The following AGAP1 variants were observed in gnomAD, a reference collection of about 807,000 sequenced individuals.
AGAP1 encodes the protein ArfGAP with GTPase domain, ankyrin repeat and PH domain 1, also known as arf-GAP with GTPase, ANK repeat and PH domain-containing protein 1.
In AGAP1, 29 loss-of-function variants were observed where a neutral mutation model predicts 105.3. That is an observed-to-expected ratio of 0.28 (90% CI 0.21 to 0.38). The LOEUF (loss-of-function observed/expected upper bound fraction) is 0.38. Among genes scored for constraint, AGAP1 ranks in the 10% least tolerant of loss-of-function variants. AGAP1 has a pLI of 1.00. For missense variants in AGAP1, 998 were observed against 1,165.1 expected (o/e 0.86, Z 2.09); for synonymous variants, 509 against 485.9 (o/e 1.05, Z -0.63).
rs1187775122 is a variant in AGAP1 at position 235,959,094 on chromosome 2, A to G, written c.1484-9368A>G. 6.6e-6 allele frequency among the ~76,000 whole-genome samples: 1 copy of G among 152,104 alleles called. No homozygotes were observed. The highest frequency in any genetic ancestry group is 2.4e-5 in the African/African-American group (1 of 41,434). The stretch of plus-strand genomic sequence containing the variant: ...TCAGAGCCGGTTTAGATGTGGAGTA[A>G]TGAGGCGCTCGCTTTTTTAATTTGG... On this transcript the variant is annotated intron_variant, in intron 12 of 17. Coordinates refer to ENST00000304032, the MANE Select transcript of AGAP1 (RefSeq NM_001037131.3). This position sits in a 1 kb window ranked among gnomAD's most constrained non-coding sequence, Gnocchi z 7.3.
chr2:235,798,478 T>G (rs1957343629), intron 7 of AGAP1, among the ~76,000 whole-genome samples: 1 of 152,144 alleles, frequency 6.6e-6, no homozygotes, highest in African/African-American at 2.4e-5. Context: ...ATTGGCACTG[T>G]TTTTTTAAGG....
intron 9 of AGAP1, among the ~76,000 whole-genome samples, chr2:235,821,353 A>C (rs1958775130): frequency 6.6e-6 from 1 of 151,906 alleles, no homozygotes; most frequent in Admixed American, 6.6e-5. Flanking sequence ...GTAACAAGTG[A>C]ACTGGGGTAG....
intron 1 of AGAP1, chr2:235,669,513 GC>G: frequency 6.7e-6 from 1 of 150,336 alleles, no homozygotes; most frequent in Non-Finnish European, 1.5e-5. Context: ...CGCCGCCGCC[GC>G]CGCCGCGCTC....
intron 1 of AGAP1, among the ~76,000 whole-genome samples, chr2:235,579,599 C>A (rs1409701368): frequency 4.6e-5 from 7 of 152,042 alleles, no homozygotes; most frequent in Non-Finnish European, 4.4e-5. Context: ...CACAGTGAAA[C>A]CCCGTCTCTA....
chr2:235,531,150 C>G (rs1463365271), intron 1 of AGAP1, among the ~76,000 whole-genome samples: 1 of 152,224 alleles, frequency 6.6e-6, no homozygotes, highest in Non-Finnish European at 1.5e-5. Context: ...AGTTTGGGAT[C>G]ACAACTGATT....
At chr2:235,668,908 G>A (rs1450765685) in intron 1 of AGAP1, among the ~76,000 whole-genome samples, 2 of 152,116 alleles carry the variant, frequency 1.3e-5, no homozygotes, top group African/African-American at 4.8e-5. Flanking sequence ...AGCCTGGCTT[G>A]CGGGCAGGCA....
At chr2:235,986,843 G>A (rs1373209141) in intron 13 of AGAP1, among the ~76,000 whole-genome samples, 1 of 152,270 alleles carries the variant, frequency 6.6e-6, no homozygotes, top group East Asian at 1.9e-4. Flanking sequence ...TGGTGGATAA[G>A]TGTTTTGATG....
intron 8 of AGAP1, among the ~76,000 whole-genome samples, chr2:235,806,738 C>T (rs183364429): frequency 2.7e-4 from 41 of 152,238 alleles, no homozygotes; most frequent in Admixed American, 1.8e-3. Flanking sequence ...GAAGCAAAAA[C>T]GGAAAATGTT....
chr2:236,118,581 G>T (rs1344925140), intron 16 of AGAP1, among the ~76,000 whole-genome samples: 1 of 151,686 alleles, frequency 6.6e-6, no homozygotes, highest in Non-Finnish European at 1.5e-5. Flanking sequence ...TAGAGACAGG[G>T]TTTCACCATG....
chr2:235,630,020 A>T (rs1946776101), intron 1 of AGAP1, among the ~76,000 whole-genome samples: 1 of 152,192 alleles, frequency 6.6e-6, no homozygotes, highest in Admixed American at 6.5e-5. Context: ...CACTGTATAC[A>T]AAATGTCTGA....
intron 12 of AGAP1, among the ~76,000 whole-genome samples, chr2:235,946,311 A>G (rs1454640456): frequency 1.6e-5 from 2 of 125,716 alleles, no homozygotes; most frequent in African/African-American, 3.2e-5. Context: ...TTTGAGACAG[A>G]GTCTTGTTCT....
chr2:235,786,723 G>A lies in AGAP1; in HGVS notation c.674-11036G>A, dbSNP rs148738510. Among the ~76,000 whole-genome samples, 26 of 152,314 alleles carry A rather than the reference G, an allele frequency of 1.7e-4. 1 individual carries two copies. The East Asian group carries it at 4.6e-3, about 27-fold the overall frequency. On this transcript the variant is annotated intron_variant, in intron 6 of 17. Coordinates refer to ENST00000304032, the MANE Select transcript of AGAP1 (RefSeq NM_001037131.3). ...GAGAATGTGCCTGTGACAAGATCTCGTCTAGTTTCTTGTGCCCTGTGACGA... is the reference window on the plus strand; with the variant it reads ...GAGAATGTGCCTGTGACAAGATCTCATCTAGTTTCTTGTGCCCTGTGACGA...
chr2:235,975,839 G>A (rs887783960), intron 13 of AGAP1, among the ~76,000 whole-genome samples: 9 of 152,156 alleles, frequency 5.9e-5, no homozygotes, highest in East Asian at 1.9e-4. Flanking sequence ...GAAAGGGAAC[G>A]AGAAGTCTCC....
Position 235,960,323 on chromosome 2 carries a change from T to G in AGAP1, c.1484-8139T>G. 6.6e-6 allele frequency among the ~76,000 whole-genome samples: 1 copy of G among 152,164 alleles called. No individual in the cohort carries two copies. The highest frequency in any genetic ancestry group is 1.5e-5 in the Non-Finnish European group (1 of 68,018). On this transcript the variant is annotated intron_variant, in intron 12 of 17. Coordinates refer to ENST00000304032, the MANE Select transcript of AGAP1 (RefSeq NM_001037131.3). This position sits in a 1 kb window ranked among gnomAD's most constrained non-coding sequence, Gnocchi z 4.9. ...TGAGATTGCAGTTGTTTTTATCCCA[T>G]GACAACCCTGTGTCCTCTGAAAAGC...
chr2:235,670,385 C>T (rs1321211207), intron 1 of AGAP1: 5 of 556,374 alleles, frequency 9.0e-6, no homozygotes, highest in South Asian at 4.0e-5. Flanking sequence ...CCGCACCTTC[C>T]GCACCCGCAG....
At chr2:235,854,402 G>A (rs1046055955) in intron 9 of AGAP1, among the ~76,000 whole-genome samples, 1 of 152,210 alleles carries the variant, frequency 6.6e-6, no homozygotes, top group African/African-American at 2.4e-5. Context: ...GGACCTGTGA[G>A]GCCTGTCTCT....
intron 13 of AGAP1, among the ~76,000 whole-genome samples, chr2:236,007,815 G>C (rs1028279125): frequency 6.6e-6 from 1 of 152,198 alleles, no homozygotes; most frequent in Non-Finnish European, 1.5e-5. Context: ...CCAGCCCCCA[G>C]CCTGCTATCC....
intron 9 of AGAP1, among the ~76,000 whole-genome samples, chr2:235,822,944 G>A (rs1396843589): frequency 6.6e-6 from 1 of 152,186 alleles, no homozygotes; most frequent in African/African-American, 2.4e-5. Flanking sequence ...TGTTTGTCAA[G>A]CAACAGATGC....
At chr2:235,998,676 T>TGAC (rs1157682889) in intron 13 of AGAP1, among the ~76,000 whole-genome samples, 1 of 151,540 alleles carries the variant, frequency 6.6e-6, no homozygotes, top group Admixed American at 6.6e-5. Flanking sequence ...GTGGTGGTGG[T>TGAC]GACGATGGTG....
Sources: allele counts gnomAD v4.1 joint callset (sites outside exome capture counted in the v4.1 genomes callset), GRCh38; gene constraint gnomAD v4.1.1; non-coding constraint Gnocchi (gnomAD v3.1); transcripts MANE v1.5; gene names NCBI Gene and HGNC (gene_info 2026-07-23, HGNC 2026-07-21).